PRKD1: variants seen among roughly 807,000 people sequenced by gnomAD.
PRKD1 encodes serine/threonine-protein kinase D1.
PRKD1 carries 63 observed loss-of-function variants against 95.9 expected under a neutral mutation model. That is an observed-to-expected ratio of 0.66 (90% CI 0.54 to 0.81). The LOEUF is 0.81. PRKD1 is among the 30% of genes least tolerant of loss of function. The probability of loss-of-function intolerance (pLI) is 0.00; values close to 1 mark genes in which losing one functional copy is unlikely to be tolerated. For missense variants in PRKD1, 1,048 were observed against 1,165.3 expected (o/e 0.90, Z 1.47); for synonymous variants, 425 against 423.1 (o/e 1.00, Z -0.05).
intron 1 of PRKD1, among the ~76,000 whole-genome samples, chr14:29,770,126 C>T (rs574626759): frequency 5.9e-5 from 9 of 152,342 alleles, no homozygotes; most frequent in African/African-American, 2.2e-4. Context: ...CACACTGAAT[C>T]TGTCAACACC....
At chr14:29,626,160 G>T (rs1182158447) in intron 12 of PRKD1, among the ~76,000 whole-genome samples, 6 of 152,102 alleles carry the variant, frequency 3.9e-5, no homozygotes, top group Non-Finnish European at 8.8e-5. Context: ...GAATTAATTT[G>T]TTTACAAATC....
intron 1 of PRKD1, among the ~76,000 whole-genome samples, chr14:29,790,039 G>A (rs914636984): frequency 1.1e-4 from 14 of 126,582 alleles, no homozygotes; most frequent in African/African-American, 4.3e-4. Flanking sequence ...TTGAGATGGA[G>A]TCTCACTCTG....
chr14:29,645,158 CAGTT>C (rs1469249120), intron 4 of PRKD1, among the ~76,000 whole-genome samples: 3 of 152,128 alleles, frequency 2.0e-5, no homozygotes, highest in Non-Finnish European at 2.9e-5. Flanking sequence ...TTCTTCCTCT[CAGTT>C]AGTCAATAAG....
chr14:29,828,944 T>C (rs976523929), intron 1 of PRKD1, among the ~76,000 whole-genome samples: 1 of 152,294 alleles, frequency 6.6e-6, no homozygotes, highest in African/African-American at 2.4e-5. Context: ...TAAGTGACAA[T>C]AGAACTTTCT....
At chr14:29,861,201 G>GA (rs201362051) in intron 1 of PRKD1, among the ~76,000 whole-genome samples, 9 of 150,486 alleles carry the variant, frequency 6.0e-5, no homozygotes, top group South Asian at 4.2e-4. Flanking sequence ...CAGCTTTGAA[G>GA]AAAAAAAAAT....
chr14:29,690,819 C>T (rs180847267), intron 2 of PRKD1, among the ~76,000 whole-genome samples: 301 of 152,220 alleles, frequency 2.0e-3, no homozygotes, highest in Non-Finnish European at 3.8e-3. Context: ...TCAGAATACC[C>T]CCATTCTTAC....
At chr14:29,600,557 C>T (rs969915745) in intron 13 of PRKD1, among the ~76,000 whole-genome samples, 4 of 152,148 alleles carry the variant, frequency 2.6e-5, no homozygotes, top group South Asian at 2.1e-4. Context: ...TTGAAAATAC[C>T]GTGTTCACCG....
intron 1 of PRKD1, among the ~76,000 whole-genome samples, chr14:29,807,794 T>A (rs1486551994): frequency 1.3e-5 from 2 of 151,762 alleles, no homozygotes; most frequent in East Asian, 3.9e-4. Flanking sequence ...GATCTTCGGC[T>A]CACTGAAACC....
At chr14:29,702,816 A>C (rs1193427304) in intron 2 of PRKD1, among the ~76,000 whole-genome samples, 1 of 152,156 alleles carries the variant, frequency 6.6e-6, no homozygotes, top group Admixed American at 6.5e-5. Context: ...TCTTCCTGAG[A>C]CCATTTTAGC....
At chr14:29,750,460 T>C (rs1344240942) in intron 1 of PRKD1, among the ~76,000 whole-genome samples, 3 of 152,082 alleles carry the variant, frequency 2.0e-5, no homozygotes, top group African/African-American at 7.2e-5. Flanking sequence ...TATACATACA[T>C]TTAAGAAAGA....
In PRKD1 at chr14:29,724,948, T is replaced by C. The variant is rs530614354; in HGVS notation, c.403+588A>G. Among the ~76,000 whole-genome samples the C allele has an allele frequency of 5.9e-5, 9 of 152,314 alleles. No homozygotes were observed. In the East Asian group the frequency reaches 1.7e-3, roughly 29 times the overall value. ...GTTTGGTTAGGCACAGTCCTATTAC[T>C]AACTGCTAAATCCTAAACAAGAAAT... On this transcript the variant is annotated intron_variant, in intron 2 of 17. Coordinates refer to ENST00000331968, the MANE Select transcript of PRKD1 (RefSeq NM_002742.3).
chr14:29,719,759 C>T (rs1236600620), intron 2 of PRKD1, among the ~76,000 whole-genome samples: 1 of 152,170 alleles, frequency 6.6e-6, no homozygotes, highest in Non-Finnish European at 1.5e-5. Context: ...TTCCTAACTC[C>T]TACTTTTCTA....
chr14:29,895,241 C>A (rs752943237), intron 1 of PRKD1, among the ~76,000 whole-genome samples: 1 of 152,100 alleles, frequency 6.6e-6, no homozygotes, highest in Non-Finnish European at 1.5e-5. Context: ...CGCTTGAACC[C>A]GGGAGGCAGA....
chr14:29,580,935 A>G (rs1382742140), intron 16 of PRKD1, among the ~76,000 whole-genome samples: 1 of 152,006 alleles, frequency 6.6e-6, no homozygotes. Flanking sequence ...AAAGCTCACA[A>G]TCTAGTTGCA....
At chr14:29,826,800 TACAC>T (rs1194110935) in intron 1 of PRKD1, among the ~76,000 whole-genome samples, 11 of 40,830 alleles carry the variant, frequency 2.7e-4, no homozygotes, top group Non-Finnish European at 3.9e-4. Context: ...CACATATATA[TACAC>T]ATATATATAC....
chr14:29,824,337 A>G (rs1891030624), intron 1 of PRKD1, among the ~76,000 whole-genome samples: 1 of 152,206 alleles, frequency 6.6e-6, no homozygotes, highest in Non-Finnish European at 1.5e-5. Flanking sequence ...TATGAAAATT[A>G]GAGGTAAGAA....
chr14:29,762,897 C>T (rs887169356), intron 1 of PRKD1, among the ~76,000 whole-genome samples: 17 of 152,032 alleles, frequency 1.1e-4, no homozygotes, highest in Non-Finnish European at 1.8e-4. Flanking sequence ...GCACATGCCA[C>T]CACGCCCAGA....
chr14:29,906,999 C>A (rs371649444), intron 1 of PRKD1, among the ~76,000 whole-genome samples: 107 of 152,318 alleles, frequency 7.0e-4, no homozygotes, highest in African/African-American at 2.4e-3. Context: ...TGAGATTTGA[C>A]AAGTAAAATC....
intron 1 of PRKD1, among the ~76,000 whole-genome samples, chr14:29,924,243 T>G (rs1386890112): frequency 6.6e-6 from 1 of 152,124 alleles, no homozygotes; most frequent in Non-Finnish European, 1.5e-5. Context: ...ATGAAAGAAA[T>G]AATTCTTTAC....
Sources: allele counts gnomAD v4.1 joint callset (sites outside exome capture counted in the v4.1 genomes callset), GRCh38; gene constraint gnomAD v4.1.1; transcripts MANE v1.5; gene names NCBI Gene and HGNC (gene_info 2026-07-23, HGNC 2026-07-21).